DOCK1: variants seen among roughly 807,000 people sequenced by gnomAD.
The protein encoded by DOCK1 is dedicator of cytokinesis protein 1.
DOCK1 carries 138 observed loss-of-function variants against 262.7 expected under a neutral mutation model. That is an observed-to-expected ratio of 0.53 (90% CI 0.46 to 0.61). The LOEUF (loss-of-function observed/expected upper bound fraction) is 0.61. Among genes scored for constraint, DOCK1 ranks in the 20% least tolerant of loss-of-function variants. The pLI, the probability that DOCK1 is intolerant of heterozygous loss-of-function variation, is 0.00. For synonymous variants in DOCK1, 866 were observed against 867.4 expected (o/e 1.00, Z 0.03); for missense variants, 1,908 against 2,370.7 (o/e 0.80, Z 4.05).
chr10:127,036,747 G>A (rs55746274), intron 18 of DOCK1, among the ~76,000 whole-genome samples: 6,136 of 152,032 alleles, frequency 0.04, 409 homozygotes, highest in African/African-American at 0.14. Context: ...GCTGAGGCAG[G>A]TGGATCACCT....
Position 126,926,171 on chromosome 10 carries a change from C to T in DOCK1, c.46+20608C>T, listed in dbSNP as rs570423771. Among the ~76,000 whole-genome samples, 5 of 152,118 alleles carry T rather than the reference C, an allele frequency of 3.3e-5. No individual in the cohort carries two copies. The South Asian group carries it at 6.2e-4, about 19-fold the overall frequency. On this transcript the variant is annotated intron_variant, in intron 1 of 51. Transcript: ENST00000623213. Reference sequence around the variant, plus strand: ...GTAGCCACCTGCTACATGGGAGTACCATCGGGGCACCATGTAAGCCTGAAA... The same window carrying T: ...GTAGCCACCTGCTACATGGGAGTACTATCGGGGCACCATGTAAGCCTGAAA...
chr10:127,266,188 G>T (rs1280966559), intron 29 of DOCK1, among the ~76,000 whole-genome samples: 2 of 152,224 alleles, frequency 1.3e-5, no homozygotes, highest in East Asian at 1.9e-4. Flanking sequence ...CCAATTAAGG[G>T]TGCATAGTTG....
intron 11 of DOCK1, among the ~76,000 whole-genome samples, chr10:127,009,641 A>G (rs1235982626): frequency 6.6e-6 from 1 of 152,210 alleles, no homozygotes; most frequent in Non-Finnish European, 1.5e-5. Flanking sequence ...GCCACCTGCC[A>G]TAGTGCTCTG....
chr10:127,318,351 G>A (rs760971238), intron 29 of DOCK1, among the ~76,000 whole-genome samples: 25 of 152,326 alleles, frequency 1.6e-4, no homozygotes, highest in South Asian at 1.2e-3. Flanking sequence ...GAGATGACAG[G>A]TGTGATCCCA....
At chr10:127,043,207 G>A (rs952830787) in intron 21 of DOCK1, 43 bp downstream of exon 21, 4 of 1,452,814 alleles carry the variant, frequency 2.8e-6, no homozygotes, top group African/African-American at 1.4e-5. Context: ...TCTTTTTTTG[G>A]TATTTGTGTT....
intron 21 of DOCK1, among the ~76,000 whole-genome samples, chr10:127,050,869 T>C (rs1167353585): frequency 1.3e-5 from 2 of 152,310 alleles, no homozygotes; most frequent in East Asian, 3.9e-4. Flanking sequence ...TCACATTCCC[T>C]AAAACTTTGA....
chr10:127,257,292 T>G (rs1230509096), intron 28 of DOCK1, 43 bp from the exon 29 acceptor site: 7 of 1,497,290 alleles, frequency 4.7e-6, no homozygotes, highest in Non-Finnish European at 6.4e-6. Context: ...ATGTTTACCT[T>G]TTTCTTTGTG....
At chr10:127,426,836 C>T (rs1405364588) in intron 47 of DOCK1, among the ~76,000 whole-genome samples, 1 of 152,182 alleles carries the variant, frequency 6.6e-6, no homozygotes, top group African/African-American at 2.4e-5. Flanking sequence ...CAAAGGCTGG[C>T]ATCAGGAGCA....
chr10:127,434,508 C>T (rs2069525877), intron 48 of DOCK1, among the ~76,000 whole-genome samples: 1 of 152,134 alleles, frequency 6.6e-6, no homozygotes, highest in Admixed American at 6.5e-5. Context: ...GCCATGACCA[C>T]CATCCACCTC....
chr10:127,273,942 T>A (rs1270109831), intron 29 of DOCK1, among the ~76,000 whole-genome samples: 1 of 152,006 alleles, frequency 6.6e-6, no homozygotes, highest in Non-Finnish European at 1.5e-5. Flanking sequence ...AAAAGCAAGC[T>A]GATTAATTGA....
intron 27 of DOCK1, among the ~76,000 whole-genome samples, chr10:127,169,035 A>G (rs940871804): frequency 2.6e-5 from 4 of 152,148 alleles, no homozygotes; most frequent in Admixed American, 1.3e-4. Flanking sequence ...TATCATTTCT[A>G]CCCATCTAGC....
intron 23 of DOCK1, among the ~76,000 whole-genome samples, chr10:127,067,947 A>G (rs2045973536): frequency 6.6e-6 from 1 of 152,034 alleles, no homozygotes; most frequent in African/African-American, 2.4e-5. Flanking sequence ...GTTGGCACAC[A>G]GATGCAGAAG....
intron 19 of DOCK1, among the ~76,000 whole-genome samples, chr10:127,039,090 A>G (rs2043848444): frequency 1.3e-5 from 2 of 152,222 alleles, no homozygotes; most frequent in African/African-American, 4.8e-5. Context: ...ATTAACCAGC[A>G]GTGTGCTTCA....
In DOCK1 at chr10:127,018,746, T is replaced by C. The variant is rs754712267; in HGVS notation, c.1238T>C (p.Ile413Thr). Residue 413 changes from isoleucine to threonine, a missense_variant, in exon 13 of 52, where the codon ATC becomes ACC. Physicochemically the swap from Ile to Thr is moderately conservative, Grantham distance 89. Around this residue, in one of 9 missense-constraint regions of DOCK1, gnomAD observed 294 missense variants for 439.9 expected, o/e 0.67. Coordinates refer to ENST00000623213, the MANE Select transcript of DOCK1 (RefSeq NM_001290223.2). Reference sequence around the variant, plus strand: ...ACATTGAAATTACTTCCTGGAGATATCCATCAGATCCGAAAAGAGTTTCCG... The same window carrying C: ...ACATTGAAATTACTTCCTGGAGATACCCATCAGATCCGAAAAGAGTTTCCG... ...WVTLKLLPGD[I>T]HQIRKEFPHL... The C allele has an allele frequency of 5.6e-6, 9 of 1,613,900 alleles. No homozygotes were observed. Among genetic ancestry groups the C allele is most frequent in the East Asian group, 2.2e-5 (1 of 44,898 alleles).
intron 27 of DOCK1, among the ~76,000 whole-genome samples, chr10:127,164,964 T>G (rs1326601688): frequency 6.6e-6 from 1 of 152,236 alleles, no homozygotes; most frequent in African/African-American, 2.4e-5. Context: ...ATTAACTTAT[T>G]TTCCTGGAGG....
intron 11 of DOCK1, among the ~76,000 whole-genome samples, chr10:127,009,966 G>A (rs1447757823): frequency 6.6e-6 from 1 of 152,180 alleles, no homozygotes. Context: ...GCACCCTAAA[G>A]CTTTTTGTAC....
At chr10:127,172,478 C>G (rs2054664258) in intron 27 of DOCK1, among the ~76,000 whole-genome samples, 1 of 152,184 alleles carries the variant, frequency 6.6e-6, no homozygotes, top group African/African-American at 2.4e-5. Flanking sequence ...CTGCCTGTCT[C>G]TGAGGCTGCA....
chr10:126,990,630 C>T lies in DOCK1; in HGVS notation c.473+27C>T, dbSNP rs182891892. The T allele has an allele frequency of 1.5e-4, 247 of 1,609,332 alleles. No individual in the cohort carries two copies. In the African/African-American group the frequency reaches 2.3e-3, roughly 15 times the overall value. On this transcript the variant is annotated intron_variant, in intron 6 of 51. Transcript: ENST00000623213. ...TTTGTTTATTTGAAAGATGATTTTA[C>T]GCTTAAATTATCCAATGTAATAACA...
chr10:126,915,772 A>G (rs984341294), intron 1 of DOCK1, among the ~76,000 whole-genome samples: 1 of 151,970 alleles, frequency 6.6e-6, no homozygotes, highest in Non-Finnish European at 1.5e-5. Flanking sequence ...TGTCCTTTTC[A>G]TATCTGTCTG....
Sources: gnomAD v4.1 joint callset for allele counts (sites outside exome capture counted in the v4.1 genomes callset) on GRCh38, gnomAD v4.1.1 for gene constraint, gnomAD v4.1.1 regional missense constraint, MANE v1.5 for transcripts, NCBI Gene and HGNC (gene_info 2026-07-23, HGNC 2026-07-21) for gene names.